NRG1: variants seen among roughly 807,000 people sequenced by gnomAD.
NRG1 encodes neuregulin 1.
NRG1 carries 18 observed loss-of-function variants against 63.8 expected under a neutral mutation model. That is an observed-to-expected ratio of 0.28 (90% CI 0.19 to 0.42). The LOEUF (loss-of-function observed/expected upper bound fraction) is 0.42. Ranked by LOEUF, NRG1 falls within the 10% of genes least tolerant of loss-of-function variation. NRG1 has a pLI of 1.00. For missense variants in NRG1, 762 were observed against 814.7 expected, an observed-to-expected ratio of 0.94 and a Z score of 0.79; for synonymous variants, 302 against 301.3, an observed-to-expected ratio of 1.00 and a Z score of -0.02.
At chr8:32,432,417 C>T (rs1400822225) in intron 1 of NRG1, among the ~76,000 whole-genome samples, 1 of 152,098 alleles carries the variant, frequency 6.6e-6, no homozygotes, top group Non-Finnish European at 1.5e-5. Flanking sequence ...AAAATTTGCC[C>T]AAGACCACAT....
At chr8:31,792,395 G>T (rs1318843803) in intron 1 of NRG1, among the ~76,000 whole-genome samples, 3 of 152,154 alleles carry the variant, frequency 2.0e-5, no homozygotes, top group African/African-American at 4.8e-5. Context: ...TGAATGACTT[G>T]TTTAATGGCA....
chr8:31,993,870 C>T (rs893770693), intron 1 of NRG1, among the ~76,000 whole-genome samples: 5 of 152,046 alleles, frequency 3.3e-5, no homozygotes, highest in African/African-American at 1.2e-4. Context: ...GACAGGGATA[C>T]TATGCACCCC....
At chr8:32,413,287 AACCATGCCCTCAAGG>A (rs1815372899) in intron 1 of NRG1, among the ~76,000 whole-genome samples, 1 of 152,226 alleles carries the variant, frequency 6.6e-6, no homozygotes, top group South Asian at 2.1e-4. Flanking sequence ...CTTCATTACA[AACCATGCCCTCAAGG>A]ACTATTTATT....
intron 1 of NRG1, among the ~76,000 whole-genome samples, chr8:32,592,556 C>A (rs1203450103): frequency 6.6e-6 from 1 of 151,876 alleles, no homozygotes; most frequent in Non-Finnish European, 1.5e-5. Context: ...GAAATCAAAA[C>A]CCCTAATACA....
At chr8:31,686,210 G>A (rs1185020329) in intron 1 of NRG1, among the ~76,000 whole-genome samples, 2 of 152,064 alleles carry the variant, frequency 1.3e-5, no homozygotes, top group African/African-American at 4.8e-5. Context: ...AATGGTGTTT[G>A]GCAAAAATCA....
intron 1 of NRG1, among the ~76,000 whole-genome samples, chr8:32,392,485 G>A (rs1351029120): frequency 2.6e-5 from 4 of 152,104 alleles, no homozygotes; most frequent in Non-Finnish European, 2.9e-5. Context: ...GCATCTCCAT[G>A]TTCCTCCTAA....
chr8:31,911,420 T>G (rs1388657966), intron 1 of NRG1, among the ~76,000 whole-genome samples: 1 of 152,132 alleles, frequency 6.6e-6, no homozygotes, highest in Non-Finnish European at 1.5e-5. Flanking sequence ...AAGAACAGGA[T>G]CATCTCCTTG....
chr8:32,743,573 C>CATGTATATATAT (rs1826837713), intron 7 of NRG1, among the ~76,000 whole-genome samples: 1 of 113,714 alleles, frequency 8.8e-6, no homozygotes, highest in Non-Finnish European at 1.7e-5. Flanking sequence ...TAAGGCAAAA[C>CATGTATATATAT]ATATATATAT....
At chr8:32,337,658 A>G (rs1178130316) in intron 1 of NRG1, among the ~76,000 whole-genome samples, 2 of 31,962 alleles carry the variant, frequency 6.3e-5, no homozygotes, top group African/African-American at 2.0e-4. Context: ...TATTGCAAAA[A>G]AAAAAAAAAA....
intron 1 of NRG1, among the ~76,000 whole-genome samples, chr8:31,762,177 C>A (rs1817629823): frequency 6.6e-6 from 1 of 151,918 alleles, no homozygotes; most frequent in Non-Finnish European, 1.5e-5. Context: ...GTTTGCTGCA[C>A]CTATTGACCA....
intron 1 of NRG1, among the ~76,000 whole-genome samples, chr8:32,174,658 C>T (rs11986197): frequency 0.037 from 5,699 of 152,078 alleles, 198 homozygotes; most frequent in African/African-American, 0.088. Context: ...ATATCACCAC[C>T]GATCCCACAG....
intron 5 of NRG1, among the ~76,000 whole-genome samples, chr8:32,659,498 T>G (rs1455648464): frequency 6.6e-6 from 1 of 152,218 alleles, no homozygotes; most frequent in Non-Finnish European, 1.5e-5. Flanking sequence ...AATTGTTTTT[T>G]GAATGTATGA....
At chr8:32,692,653 A>C (rs1812080230) in intron 5 of NRG1, among the ~76,000 whole-genome samples, 1 of 152,214 alleles carries the variant, frequency 6.6e-6, no homozygotes, top group Admixed American at 6.5e-5. Flanking sequence ...CTTCGGGCCC[A>C]AATGAGCTTT....
At chr8:32,158,643 C>G (rs1838450923) in intron 1 of NRG1, among the ~76,000 whole-genome samples, 1 of 151,420 alleles carries the variant, frequency 6.6e-6, no homozygotes, top group Admixed American at 6.6e-5. Flanking sequence ...CACATACATA[C>G]ACACTATACT....
intron 1 of NRG1, among the ~76,000 whole-genome samples, chr8:32,189,325 C>T (rs762740564): frequency 6.6e-6 from 1 of 151,970 alleles, no homozygotes; most frequent in Non-Finnish European, 1.5e-5. Flanking sequence ...TAAGTGAGAA[C>T]GTGTAGTATT....
At chr8:32,221,578 A>G (rs1386898687) in intron 1 of NRG1, among the ~76,000 whole-genome samples, 2 of 152,206 alleles carry the variant, frequency 1.3e-5, no homozygotes, top group Non-Finnish European at 2.9e-5. Flanking sequence ...CTTTGTTGTC[A>G]TATTATCTCT....
intron 1 of NRG1, among the ~76,000 whole-genome samples, chr8:32,112,332 T>C (rs1832137101): frequency 6.6e-6 from 1 of 152,234 alleles, no homozygotes; most frequent in African/African-American, 2.4e-5. Context: ...GGTTTCATTG[T>C]AGGAAAATCT....
intron 1 of NRG1, among the ~76,000 whole-genome samples, chr8:32,417,621 A>G (rs1816102225): frequency 6.6e-6 from 1 of 150,578 alleles, no homozygotes; most frequent in Admixed American, 6.7e-5. Context: ...TCCCACACAC[A>G]TCTCTCCATT....
chr8:32,645,221 C>G (rs938231456), intron 5 of NRG1, among the ~76,000 whole-genome samples: 1 of 152,088 alleles, frequency 6.6e-6, no homozygotes, highest in African/African-American at 2.4e-5. Context: ...TTTTCTACAC[C>G]GTGAAATTGT....
Sources: gnomAD v4.1 joint callset for allele counts (sites outside exome capture counted in the v4.1 genomes callset) on GRCh38, gnomAD v4.1.1 for gene constraint, MANE v1.5 for transcripts, NCBI Gene and HGNC (gene_info 2026-07-23, HGNC 2026-07-21) for gene names.